Variants in SGCZ observed in about 807,000 individuals in gnomAD.
SGCZ encodes the protein zeta-sarcoglycan.
Under a neutral mutation model 41.3 loss-of-function variants are expected in SGCZ, and 40 were observed. The ratio of observed to expected loss-of-function variants is 0.97; its 90% CI spans 0.75 to 1.26. The LOEUF (loss-of-function observed/expected upper bound fraction) is 1.26. Among genes scored for constraint, SGCZ ranks in the 50% most tolerant of loss-of-function variants. SGCZ has a pLI of 0.00. For synonymous variants in SGCZ, 206 were observed against 137.5 expected (o/e 1.50, Z -3.49); for missense variants, 552 against 369.8 (o/e 1.49, Z -4.04).
chr8:15,121,382 T>C (rs1467898286), intron 1 of SGCZ, among the ~76,000 whole-genome samples: 1 of 152,198 alleles, frequency 6.6e-6, no homozygotes, highest in East Asian at 1.9e-4. Flanking sequence ...TAAAATATTC[T>C]GGAAAGCTTC....
intron 4 of SGCZ, among the ~76,000 whole-genome samples, chr8:14,219,355 A>C (rs1191618189): frequency 1.3e-5 from 2 of 152,152 alleles, no homozygotes; most frequent in African/African-American, 4.8e-5. Context: ...GATGAGATGC[A>C]ACAAAAACTG....
intron 1 of SGCZ, among the ~76,000 whole-genome samples, chr8:14,852,999 C>T (rs1803391119): frequency 6.6e-6 from 1 of 152,176 alleles, no homozygotes; most frequent in Non-Finnish European, 1.5e-5. Context: ...GAGGCAGCCA[C>T]ACTTACCAGC....
intron 2 of SGCZ, among the ~76,000 whole-genome samples, chr8:14,368,924 C>A (rs1183524664): frequency 6.6e-6 from 1 of 151,648 alleles, no homozygotes; most frequent in Non-Finnish European, 1.5e-5. Flanking sequence ...TTACAATGGG[C>A]TTTTAACTAG....
intron 1 of SGCZ, among the ~76,000 whole-genome samples, chr8:15,209,459 C>T (rs1288551883): frequency 2.8e-5 from 4 of 143,614 alleles, no homozygotes; most frequent in South Asian, 2.2e-4. Context: ...AGCGAAGTTA[C>T]GTGTCAGCAT....
chr8:14,337,195 A>C (rs953685676), intron 2 of SGCZ, among the ~76,000 whole-genome samples: 5 of 152,146 alleles, frequency 3.3e-5, no homozygotes, highest in Non-Finnish European at 5.9e-5. Context: ...GAAGCCTTCC[A>C]CAAAAAAGTC....
At chr8:14,160,813 G>C (rs10112523) in intron 5 of SGCZ, among the ~76,000 whole-genome samples, 148,059 of 152,202 alleles carry the variant, frequency 0.97, 72,135 homozygotes, top group East Asian at 1. Flanking sequence ...CATGAGCTAC[G>C]CTAGGTCTGT....
intron 1 of SGCZ, among the ~76,000 whole-genome samples, chr8:14,605,415 T>G (rs1805717248): frequency 6.6e-6 from 1 of 152,158 alleles, no homozygotes; most frequent in Admixed American, 6.5e-5. Flanking sequence ...AACAATCGAA[T>G]TACACTCTTT....
intron 1 of SGCZ, among the ~76,000 whole-genome samples, chr8:14,802,951 G>C (rs1030643518): frequency 6.6e-6 from 1 of 152,098 alleles, no homozygotes; most frequent in African/African-American, 2.4e-5. Context: ...TCCTCCTCCA[G>C]CCCCATTCTT....
chr8:14,126,537 G>T (rs890523707), intron 5 of SGCZ, among the ~76,000 whole-genome samples: 1 of 152,166 alleles, frequency 6.6e-6, no homozygotes, highest in Non-Finnish European at 1.5e-5. Context: ...TCCACTGTTG[G>T]GAATGAAAAT....
intron 1 of SGCZ, among the ~76,000 whole-genome samples, chr8:15,053,611 A>G (rs1804599288): frequency 6.6e-6 from 1 of 152,130 alleles, no homozygotes; most frequent in South Asian, 2.1e-4. Flanking sequence ...AGATTTACTA[A>G]TCATAAAAAA....
intron 2 of SGCZ, among the ~76,000 whole-genome samples, chr8:14,350,749 C>G (rs1485169003): frequency 6.6e-6 from 1 of 152,064 alleles, no homozygotes; most frequent in Non-Finnish European, 1.5e-5. Context: ...CTTGAAAGCC[C>G]TCTCTGTTAA....
intron 1 of SGCZ, among the ~76,000 whole-genome samples, chr8:14,936,743 T>C (rs113799932): frequency 2.2e-4 from 33 of 152,040 alleles, no homozygotes; most frequent in East Asian, 1.9e-3. Flanking sequence ...ATTAGAGTGG[T>C]TAAATACAAA....
intron 1 of SGCZ, among the ~76,000 whole-genome samples, chr8:15,183,410 A>C (rs1409330984): frequency 6.6e-6 from 1 of 152,210 alleles, no homozygotes; most frequent in Non-Finnish European, 1.5e-5. Context: ...TTTCAGGTCC[A>C]TTATAAGTTT....
At chr8:14,790,586 A>C (rs1166788502) in intron 1 of SGCZ, among the ~76,000 whole-genome samples, 1 of 152,190 alleles carries the variant, frequency 6.6e-6, no homozygotes, top group Non-Finnish European at 1.5e-5. Flanking sequence ...ACATATAAAT[A>C]ACTAAGAATT....
At chr8:14,246,305 A>T (rs1799087506) in intron 3 of SGCZ, among the ~76,000 whole-genome samples, 1 of 152,148 alleles carries the variant, frequency 6.6e-6, no homozygotes, top group African/African-American at 2.4e-5. Flanking sequence ...AGGGACACGG[A>T]TGAAACTGGA....
intron 1 of SGCZ, chr8:14,690,523 G>A (rs965071234): frequency 6.6e-6 from 1 of 152,132 alleles, no homozygotes; most frequent in African/African-American, 2.4e-5. Context: ...AAGGCCAAAA[G>A]GGGTGTCTGG....
At chr8:14,153,051 A>T (rs1200499682) in intron 5 of SGCZ, among the ~76,000 whole-genome samples, 1 of 152,158 alleles carries the variant, frequency 6.6e-6, no homozygotes, top group East Asian at 1.9e-4. Flanking sequence ...TGAGGTTTCA[A>T]AAAGACAAGG....
chr8:14,975,335 C>A (rs183095820), intron 1 of SGCZ, among the ~76,000 whole-genome samples: 10 of 152,052 alleles, frequency 6.6e-5, no homozygotes, highest in African/African-American at 2.4e-4. Context: ...AAAAAGAATT[C>A]CAGCCTCATC....
chr8:14,481,622 T>A (rs2117005927), intron 2 of SGCZ, among the ~76,000 whole-genome samples: 1 of 152,310 alleles, frequency 6.6e-6, no homozygotes, highest in East Asian at 1.9e-4. Flanking sequence ...TTTTGTAACA[T>A]CACTTGCCTC....
Sources: gnomAD v4.1 joint callset for allele counts (sites outside exome capture counted in the v4.1 genomes callset) on GRCh38, gnomAD v4.1.1 for gene constraint, MANE v1.5 for transcripts, NCBI Gene and HGNC (gene_info 2026-07-23, HGNC 2026-07-21) for gene names.